Variants in ZNF701 observed in about 807,000 individuals in gnomAD.
ZNF701 encodes the protein zinc finger protein 701.
Under a neutral mutation model 7.1 loss-of-function variants are expected in ZNF701, and 6 were observed. That is an observed-to-expected ratio of 0.84 (90% CI 0.46 to 1.66). ZNF701 has a LOEUF of 1.66. Among genes scored for constraint, ZNF701 ranks in the 40% most tolerant of loss-of-function variants. ZNF701 has a pLI of 0.01. For missense variants in ZNF701, 541 were observed against 559.2 expected (o/e 0.97, Z 0.33); for synonymous variants, 166 against 188.2 (o/e 0.88, Z 0.97).
chr19:52,580,283 A>G (rs761260339), intron 3 of ZNF701, among the ~76,000 whole-genome samples: 2 of 151,804 alleles, frequency 1.3e-5, no homozygotes, highest in African/African-American at 4.8e-5. Context: ...ATTTCTGTGT[A>G]TGTTGCATTT....
chr19:52,584,379 T>C lies in ZNF701; in HGVS notation c.*922T>C, dbSNP rs768710427. On this transcript the variant is annotated 3_prime_UTR_variant, in exon 4 of 4. Transcript: ENST00000391785. ...GCTCACGCCTGTAAATCCAGCACTT[T>C]AGGAGCCCAAGGTGGATAGATCACT... 3.1e-4 allele frequency: 49 copies of C among 158,572 alleles called. No individual in the cohort carries two copies. The highest frequency in any genetic ancestry group is 6.0e-4 in the Non-Finnish European group (43 of 71,896). 9.8% of individuals were successfully genotyped at this position (158,572 alleles called of 1,614,324 possible).
the ZNF701 span, among the ~76,000 whole-genome samples, chr19:52,599,059 T>C: frequency 2.0e-5 from 3 of 152,028 alleles, no homozygotes; most frequent in Non-Finnish European, 4.4e-5. Context: ...ACAGAGTTTT[T>C]CTCTTGTTAC....
rs190085731 is a variant in ZNF701, at chr19:52,581,137, C to G, written c.143-1065C>G. The stretch of plus-strand genomic sequence containing the variant: ...ACTCCATCTCAAAAAAATAAAAATA[C>G]AAAATTTTTAAAAAAAAGTCACAAA... On this transcript the variant is annotated intron_variant, in intron 3 of 3. Coordinates refer to ENST00000391785, the MANE Select transcript of ZNF701 (RefSeq NM_018260.3). Among the ~76,000 whole-genome samples the G allele has an allele frequency of 1.2e-4, 19 of 152,134 alleles. No homozygotes were observed. In the East Asian group the frequency reaches 3.3e-3, roughly 26 times the overall value.
chr19:52,595,721 G>A, the ZNF701 span: 4 of 1,544,918 alleles, frequency 2.6e-6, no homozygotes, highest in Non-Finnish European at 2.7e-6. Flanking sequence ...TCATCACACT[G>A]GAGATTTTTG....
At chr19:52,570,525 T>C (rs1483661033) in intron 1 of ZNF701, 195 bp downstream of exon 1, 2 of 152,210 alleles carry the variant, frequency 1.3e-5, no homozygotes, top group East Asian at 3.8e-4. Flanking sequence ...TGTTCCCGTC[T>C]CCAGTCTTTC....
intron 3 of ZNF701, among the ~76,000 whole-genome samples, chr19:52,580,411 G>A (rs1189174335): frequency 6.6e-6 from 1 of 151,922 alleles, no homozygotes; most frequent in Non-Finnish European, 1.5e-5. Flanking sequence ...ATTTTTAGTA[G>A]ATATGGGGTT....
Position 52,582,841 on chromosome 19 carries a change from A to G in ZNF701, c.782A>G (p.His261Arg), listed in dbSNP as rs777508599. 2.5e-6 allele frequency: 4 copies of G among 1,614,208 alleles called. No homozygotes were observed. In the East Asian group the frequency reaches 6.7e-5, roughly 27 times the overall value. Reference sequence around the variant, plus strand: ...CATCAGAAGCGATACCTTGCATGCCATAGATGTCACACTGGTGAGAATCCT... The same window carrying G: ...CATCAGAAGCGATACCTTGCATGCCGTAGATGTCACACTGGTGAGAATCCT... ...DFHQKRYLAC[H>R]RCHTGENPYT... The change falls in exon 4 of 4, where the codon CAT becomes CGT. Residue 261 changes from histidine (H) to arginine (R), a missense_variant. Physicochemically the swap from His to Arg is conservative, Grantham distance 29. Coordinates refer to ENST00000391785, the MANE Select transcript of ZNF701 (RefSeq NM_018260.3).
chr19:52,591,996 C>T, downstream of ZNF701: 1 of 559,868 alleles, frequency 1.8e-6, no homozygotes, highest in Non-Finnish European at 3.2e-6. Flanking sequence ...TTTGTCAGAA[C>T]ACCGTCTTGG....
chr19:52,594,760 A>G, the ZNF701 span, among the ~76,000 whole-genome samples: 14 of 145,618 alleles, frequency 9.6e-5, no homozygotes, highest in Non-Finnish European at 2.0e-4. Context: ...TGATCTGCCC[A>G]CCTTGGCCTC....
the ZNF701 span, chr19:52,592,296 A>G: frequency 2.8e-6 from 4 of 1,452,552 alleles, no homozygotes; most frequent in African/African-American, 2.8e-5. Flanking sequence ...CTGGTTTTGT[A>G]TTCTCTTTTG....
At chr19:52,591,614 A>G (rs1371075665), downstream of ZNF701, among the ~76,000 whole-genome samples, 1 of 152,048 alleles carries the variant, frequency 6.6e-6, no homozygotes, top group African/African-American at 2.4e-5. Flanking sequence ...TCAGCCTCCC[A>G]AGTACCTGGG....
chr19:52,583,438 A>T lies in ZNF701; in HGVS notation c.1379A>T (p.His460Leu), dbSNP rs771765019. The T allele has an allele frequency of 1.9e-6, 3 of 1,612,614 alleles. No individual in the cohort carries two copies. In the East Asian group the frequency reaches 6.7e-5, roughly 36 times the overall value. Residue 460 changes from histidine to leucine, a missense_variant, in exon 4 of 4, where the codon CAT becomes CTT. Physicochemically the swap from His to Leu is moderately conservative, Grantham distance 99. Coordinates refer to ENST00000391785, the MANE Select transcript of ZNF701 (RefSeq NM_018260.3). ...KSNLERHHRL[H>L]TGKKS ...AACCTTGAACGTCATCATAGACTTC[A>T]TACTGGAAAGAAATCTTAGAAGTGT...
In ZNF701 at chr19:52,584,641, GTTTTT is replaced by G. The variant is rs778738292; in HGVS notation, c.*1187_*1191del. 1 of 152,072 alleles carries G rather than the reference GTTTTT, an allele frequency of 6.6e-6. No individual in the cohort carries two copies. Among genetic ancestry groups the G allele is most frequent in the Non-Finnish European group, 1.5e-5 (1 of 68,012 alleles). 9.4% of individuals were successfully genotyped at this position (152,072 alleles called of 1,614,324 possible). A position where few individuals can be genotyped will look rare whatever the true frequency, so the allele number is the denominator to read the frequency against. ...TAGATTTCAAGGTGTGAAATTCTCA[GTTTTT>G]TTATGTTTATTCCTAAGTATTTCTT... On this transcript the variant is annotated 3_prime_UTR_variant, in exon 4 of 4. Transcript: ENST00000391785.
rs2059989015 is a variant in ZNF701, at chr19:52,583,265, C to T, written c.1206C>T (p.Val402=). 6.2e-7 allele frequency: 1 copy of T among 1,606,560 alleles called. No individual in the cohort carries two copies. The highest frequency in any genetic ancestry group is 1.7e-5 in the Admixed American group (1 of 59,468). ...VQNSSLVMHK[V]IHTGEKRYKC... Reference sequence around the variant, plus strand: ...ATTCATCTCTTGTAATGCATAAGGTCATTCATACTGGAGAGAAACGTTACA... The same window carrying T: ...ATTCATCTCTTGTAATGCATAAGGTTATTCATACTGGAGAGAAACGTTACA... The change falls in exon 4 of 4, where the codon GTC becomes GTT. Residue 402 remains valine (V), a synonymous_variant. Transcript: ENST00000391785.
Position 52,586,524 on chromosome 19 carries a change from G to C in ZNF701, c.*3067G>C, listed in dbSNP as rs2060013032. On this transcript the variant is annotated 3_prime_UTR_variant, in exon 4 of 4. Coordinates refer to ENST00000391785, the MANE Select transcript of ZNF701 (RefSeq NM_018260.3). ...CTTGCTTTGGCCTTCCAAAGTGCTAGGATTACAGGAGTGAGCCACCACACG... is the reference window on the plus strand; with the variant it reads ...CTTGCTTTGGCCTTCCAAAGTGCTACGATTACAGGAGTGAGCCACCACACG... The C allele has an allele frequency of 6.6e-6, 1 of 152,158 alleles. No individual in the cohort carries two copies. Among genetic ancestry groups the C allele is most frequent in the African/African-American group, 2.4e-5 (1 of 41,424 alleles). 9.4% of individuals were successfully genotyped at this position (152,158 alleles called of 1,614,324 possible).
chr19:52,589,212 C>A (rs7247002), downstream of ZNF701, among the ~76,000 whole-genome samples: 66,978 of 152,028 alleles, frequency 0.44, 14,796 homozygotes, highest in Middle Eastern at 0.48. Flanking sequence ...AAATCTTACT[C>A]CTGTGGTCTT....
chr19:52,582,980 T>C lies in ZNF701; in HGVS notation c.921T>C (p.Phe307=). Residue 307 remains phenylalanine, a synonymous_variant, in exon 4 of 4, where the codon TTT becomes TTC. Transcript: ENST00000391785. ...PYKCNECGKV[F]NQQSNLARHH... ...AGTGTAATGAATGTGGCAAGGTTTT[T>C]AATCAACAATCAAACCTTGCACGTC... 1.2e-6 allele frequency: 2 copies of C among 1,613,992 alleles called. No homozygotes were observed. Among genetic ancestry groups the C allele is most frequent in the Non-Finnish European group, 8.5e-7 (1 of 1,179,968 alleles).
intron 2 of ZNF701, 123 bp from the exon 3 acceptor site, chr19:52,575,772 T>TA (rs1298878949): frequency 5.8e-6 from 4 of 683,938 alleles, no homozygotes. Context: ...AAGAATCCCT[T>TA]ACTTGGATTT....
At chr19:52,596,322 C>T in the ZNF701 span, 1 of 405,128 alleles carries the variant, frequency 2.5e-6, no homozygotes, top group Non-Finnish European at 4.9e-6. Context: ...AATCAGAAGT[C>T]ATCCCTTCAG....
Sources: allele counts gnomAD v4.1 joint callset (sites outside exome capture counted in the v4.1 genomes callset), GRCh38; gene constraint gnomAD v4.1.1; transcripts MANE v1.5; gene names NCBI Gene and HGNC (gene_info 2026-07-23, HGNC 2026-07-21).